TLN2: variants seen among roughly 807,000 people sequenced by gnomAD.
TLN2 encodes the protein talin 2, also known as talin-2.
A neutral mutation model predicts 294.7 loss-of-function variants in TLN2; 118 were observed. The ratio of observed to expected loss-of-function variants is 0.40; its 90% CI spans 0.34 to 0.47. The LOEUF is 0.47. TLN2 is among the 20% of genes least tolerant of loss of function. The probability of loss-of-function intolerance (pLI) is 0.84; values close to 1 mark genes in which losing one functional copy is unlikely to be tolerated. For missense variants in TLN2, 3,083 were observed against 3,282.2 expected (o/e 0.94, Z 1.48); for synonymous variants, 1,431 against 1,304.5 (o/e 1.10, Z -2.09).
intron 33 of TLN2, among the ~76,000 whole-genome samples, chr15:62,748,764 T>A (rs1443160698): frequency 1.3e-5 from 2 of 152,188 alleles, no homozygotes; most frequent in Admixed American, 6.5e-5. Context: ...AGGCTGAAGA[T>A]CAGCAATTTT....
chr15:62,453,330 C>A (rs886693041), intron 1 of TLN2, among the ~76,000 whole-genome samples: 1 of 151,460 alleles, frequency 6.6e-6, no homozygotes. Context: ...TGCATAGACT[C>A]CTGTCATTTG....
chr15:62,493,921 C>T (rs1567027653), intron 1 of TLN2, among the ~76,000 whole-genome samples: 1 of 152,058 alleles, frequency 6.6e-6, no homozygotes, highest in Non-Finnish European at 1.5e-5. Flanking sequence ...GAGGTTGCCT[C>T]TTAGGTAAGT....
At chr15:62,552,474 A>T (rs374207323) in intron 1 of TLN2, among the ~76,000 whole-genome samples, 2 of 152,160 alleles carry the variant, frequency 1.3e-5, no homozygotes, top group Admixed American at 1.3e-4. Flanking sequence ...ACACAAGAAA[A>T]CACTCTACCC....
intron 1 of TLN2, among the ~76,000 whole-genome samples, chr15:62,453,000 A>C (rs764023267): frequency 2.2e-4 from 34 of 152,200 alleles, no homozygotes; most frequent in Non-Finnish European, 4.6e-4. Flanking sequence ...ATCTCAGATA[A>C]ACAGTCTATC....
At chr15:62,450,045 C>T (rs952570628) in intron 1 of TLN2, among the ~76,000 whole-genome samples, 4 of 152,162 alleles carry the variant, frequency 2.6e-5, no homozygotes, top group South Asian at 2.1e-4. Flanking sequence ...CAGTTGCCCC[C>T]GTACCTGGAC....
chr15:62,478,760 C>T (rs749177113), intron 1 of TLN2, among the ~76,000 whole-genome samples: 12 of 152,200 alleles, frequency 7.9e-5, no homozygotes, highest in Admixed American at 5.9e-4. Flanking sequence ...CAAGTGACCT[C>T]GCTCTGGTCA....
intron 11 of TLN2, among the ~76,000 whole-genome samples, chr15:62,686,360 T>C (rs192834731): frequency 3.5e-3 from 531 of 152,318 alleles, no homozygotes; most frequent in Non-Finnish European, 5.6e-3. Flanking sequence ...TTTTCAGTTC[T>C]ATCCCATCTT....
chr15:62,512,120 A>G (rs1003767033), intron 1 of TLN2, among the ~76,000 whole-genome samples: 2 of 152,238 alleles, frequency 1.3e-5, no homozygotes, highest in Admixed American at 1.3e-4. Flanking sequence ...GGAAGCAGAA[A>G]AGTCTAAGCT....
intron 1 of TLN2, among the ~76,000 whole-genome samples, chr15:62,486,120 C>T (rs1214422022): frequency 3.3e-5 from 5 of 152,134 alleles, no homozygotes. Context: ...TTTTCTCTGA[C>T]CCATTTGAAA....
chr15:62,825,966 C>T (rs1257201586), intron 54 of TLN2, among the ~76,000 whole-genome samples: 1 of 143,742 alleles, frequency 7.0e-6, no homozygotes, highest in Non-Finnish European at 1.5e-5. Context: ...GCGGAGGTTG[C>T]CGTGAGCCGG....
chr15:62,652,049 G>A lies in TLN2; in HGVS notation c.279G>A (p.Arg93=), dbSNP rs767412321. ...AGAAACAGAGACCTCAGAAAATCCG[G>A]ATGCTGGATGGATCTGTGAAGACAG... ...YKKKQRPQKI[R]MLDGSVKTVM... The change falls in exon 6 of 59, where the codon CGG becomes CGA. Residue 93 remains arginine (R), a synonymous_variant. Coordinates refer to ENST00000636159, the MANE Select transcript of TLN2 (RefSeq NM_015059.3). 3.7e-6 allele frequency: 6 copies of A among 1,611,712 alleles called. No individual in the cohort carries two copies. In the Admixed American group the frequency reaches 6.7e-5, roughly 18 times the overall value.
intron 1 of TLN2, among the ~76,000 whole-genome samples, chr15:62,557,636 G>T (rs1417531941): frequency 6.6e-6 from 1 of 152,048 alleles, no homozygotes; most frequent in Non-Finnish European, 1.5e-5. Context: ...CCACCTCCCG[G>T]GCTCAAGTGA....
intron 2 of TLN2, among the ~76,000 whole-genome samples, chr15:62,601,454 G>T (rs1453450092): frequency 6.6e-6 from 1 of 152,104 alleles, no homozygotes; most frequent in African/African-American, 2.4e-5. Flanking sequence ...CTCAAGGTTT[G>T]GTCAGACTCA....
chr15:62,647,272 C>T lies in TLN2; in HGVS notation c.-36-3C>T. 10 of 1,586,946 alleles carry T rather than the reference C, an allele frequency of 6.3e-6. No individual in the cohort carries two copies. Among genetic ancestry groups the T allele is most frequent in the Non-Finnish European group, 6.9e-6 (8 of 1,163,056 alleles). On this transcript the variant is annotated splice_polypyrimidine_tract_variant and splice_region_variant and intron_variant, in intron 3 of 58. Coordinates refer to ENST00000636159, the MANE Select transcript of TLN2 (RefSeq NM_015059.3). Reference sequence around the variant, plus strand: ...TCAGGGTTTGTCTCTTTGTGTTTTCCAGACATTCTAAGTGAGACTGTCCAC... The same window carrying T: ...TCAGGGTTTGTCTCTTTGTGTTTTCTAGACATTCTAAGTGAGACTGTCCAC...
chr15:62,435,853 G>A (rs2035264030), intron 1 of TLN2, among the ~76,000 whole-genome samples: 1 of 152,176 alleles, frequency 6.6e-6, no homozygotes, highest in Admixed American at 6.5e-5. Flanking sequence ...TGCTGTTTAT[G>A]TATTATGGAA....
At chr15:62,541,194 C>T (rs2041663503) in intron 1 of TLN2, among the ~76,000 whole-genome samples, 1 of 152,124 alleles carries the variant, frequency 6.6e-6, no homozygotes, top group Admixed American at 6.5e-5. Flanking sequence ...ACTATTCTCT[C>T]TACTTTTGTA....
Position 62,800,416 on chromosome 15 carries a change from C to G in TLN2, c.6283C>G (p.Leu2095Val), listed in dbSNP as rs1419413182. Residue 2095 changes from leucine (L) to valine (V), a missense_variant, in exon 49 of 59, where the codon CTC becomes GTC. Coordinates refer to ENST00000636159, the MANE Select transcript of TLN2 (RefSeq NM_015059.3). ...IKDVAKALSD[L>V]ISATKGAASK... ...AGATGTGGCCAAGGCCCTTTCTGAT[C>G]TCATCAGTGCTACCAAGGGAGCTGC... 6.2e-7 allele frequency: 1 copy of G among 1,614,190 alleles called. No individual in the cohort carries two copies. The highest frequency in any genetic ancestry group is 8.5e-7 in the Non-Finnish European group (1 of 1,180,036).
intron 1 of TLN2, among the ~76,000 whole-genome samples, chr15:62,567,595 G>T (rs924278147): frequency 1.3e-5 from 2 of 152,194 alleles, no homozygotes; most frequent in Non-Finnish European, 2.9e-5. Context: ...AGCACTTTGG[G>T]AGGCCAAGGC....
At chr15:62,586,251 T>G (rs1555437006) in intron 1 of TLN2, among the ~76,000 whole-genome samples, 1 of 152,216 alleles carries the variant, frequency 6.6e-6, no homozygotes, top group Non-Finnish European at 1.5e-5. Flanking sequence ...AGGGGTGTGT[T>G]GTACTTTGGA....
Sources: gnomAD v4.1 joint callset for allele counts (sites outside exome capture counted in the v4.1 genomes callset) on GRCh38, gnomAD v4.1.1 for gene constraint, MANE v1.5 for transcripts, NCBI Gene and HGNC (gene_info 2026-07-23, HGNC 2026-07-21) for gene names.